The following GYPC variants were observed in gnomAD, a reference collection of about 807,000 sequenced individuals.
GYPC encodes glycophorin C (Gerbich blood group).
A neutral mutation model predicts 12.6 loss-of-function variants in GYPC; 14 were observed. That is an observed-to-expected ratio of 1.11 (90% CI 0.74 to 1.74). The LOEUF is 1.74. Among genes scored for constraint, GYPC ranks in the 40% most tolerant of loss-of-function variants. GYPC has a pLI of 0.00. For missense variants in GYPC, 225 were observed against 172.1 expected (o/e 1.31, Z -1.72); for synonymous variants, 78 against 62.1 (o/e 1.26, Z -1.20).
chr2:126,694,037 A>G (rs1201762732), intron 3 of GYPC, 90 bp downstream of exon 3: 3 of 920,594 alleles, frequency 3.3e-6, no homozygotes, highest in Non-Finnish European at 5.4e-6. Flanking sequence ...GGACTTGGGC[A>G]GTGGTGGCTG....
chr2:126,679,138 T>C (rs1683091213), intron 1 of GYPC, among the ~76,000 whole-genome samples: 1 of 152,230 alleles, frequency 6.6e-6, no homozygotes, highest in Non-Finnish European at 1.5e-5. Context: ...TGGTAAAGAT[T>C]AGCACGCAGC....
intron 1 of GYPC, among the ~76,000 whole-genome samples, chr2:126,670,614 T>C (rs2104780137): frequency 6.6e-6 from 1 of 152,274 alleles, no homozygotes; most frequent in South Asian, 2.1e-4. Flanking sequence ...CAGGCTGGGC[T>C]ACAGGCACAG....
intron 1 of GYPC, among the ~76,000 whole-genome samples, chr2:126,663,493 A>T (rs1682595769): frequency 6.6e-6 from 1 of 152,124 alleles, no homozygotes; most frequent in South Asian, 2.1e-4. Flanking sequence ...GAGAGAGGTC[A>T]TCTTTGCCCC....
chr2:126,686,103 C>T (rs558116947), intron 1 of GYPC: 47 of 984,958 alleles, frequency 4.8e-5, no homozygotes, highest in Middle Eastern at 5.2e-4. Context: ...GACCAGCCCA[C>T]GCAGGAAAAA....
chr2:126,677,503 G>GT (rs1683033132), intron 1 of GYPC, among the ~76,000 whole-genome samples: 3 of 112,280 alleles, frequency 2.7e-5, no homozygotes, highest in African/African-American at 4.6e-5. Context: ...GTGTGTGTAT[G>GT]AGAGTGTGTG....
At chr2:126,680,951 C>T (rs28387171) in intron 1 of GYPC, among the ~76,000 whole-genome samples, 2,999 of 152,216 alleles carry the variant, frequency 0.02, 95 homozygotes, top group African/African-American at 0.068. Flanking sequence ...TGGAGCAAGG[C>T]GGGCAGGTCA....
At chr2:126,663,513 G>A (rs556327687) in intron 1 of GYPC, among the ~76,000 whole-genome samples, 1 of 152,274 alleles carries the variant, frequency 6.6e-6, no homozygotes, top group African/African-American at 2.4e-5. Flanking sequence ...CCACCTCATC[G>A]GGGCACCAGC....
intron 2 of GYPC, 131 bp from the exon 3 acceptor site, chr2:126,693,733 A>C: frequency 1.3e-6 from 1 of 757,272 alleles, no homozygotes; most frequent in Non-Finnish European, 2.5e-6. Flanking sequence ...GGTGCGCCGC[A>C]CTGCTCCTTT....
At chr2:126,660,886 C>G (rs531470565) in intron 1 of GYPC, among the ~76,000 whole-genome samples, 1 of 152,272 alleles carries the variant, frequency 6.6e-6, no homozygotes, top group South Asian at 2.1e-4. Flanking sequence ...CACCTTCTCA[C>G]CCAGCTGGGG....
intron 1 of GYPC, among the ~76,000 whole-genome samples, chr2:126,673,002 A>T (rs1682892893): frequency 6.6e-6 from 1 of 151,966 alleles, no homozygotes; most frequent in Non-Finnish European, 1.5e-5. Flanking sequence ...GACTAATGTA[A>T]CTCACCCAGA....
At chr2:126,680,206 A>G (rs915453206) in intron 1 of GYPC, 3 of 152,226 alleles carry the variant, frequency 2.0e-5, no homozygotes, top group African/African-American at 7.2e-5. Flanking sequence ...AGAAAGATTC[A>G]TTATATCTTG....
intron 3 of GYPC, 26 bp from the exon 4 acceptor site, chr2:126,695,920 A>C (rs1683628843): frequency 1.9e-6 from 3 of 1,604,484 alleles, no homozygotes; most frequent in Non-Finnish European, 2.6e-6. Context: ...CCTCAGACTG[A>C]CCCTTGCACC....
chr2:126,693,286 C>T (rs753173994), intron 2 of GYPC, among the ~76,000 whole-genome samples: 8 of 152,212 alleles, frequency 5.3e-5, no homozygotes, highest in Admixed American at 4.6e-4. Flanking sequence ...TCTATATCAC[C>T]TTGTGGTCTC....
At chr2:126,689,372 G>T (rs1428382379) in intron 1 of GYPC, among the ~76,000 whole-genome samples, 1 of 152,182 alleles carries the variant, frequency 6.6e-6, no homozygotes, top group African/African-American at 2.4e-5. Context: ...TCATAGGATG[G>T]ATGTGAAGAC....
chr2:126,682,764 G>A (rs577777816), intron 1 of GYPC, among the ~76,000 whole-genome samples: 13 of 152,278 alleles, frequency 8.5e-5, no homozygotes, highest in East Asian at 3.9e-4. Context: ...CAGTCTGGGC[G>A]TTGTCTTAAG....
chr2:126,695,845 C>T, intron 3 of GYPC, 101 bp from the exon 4 acceptor site: 3 of 867,872 alleles, frequency 3.5e-6, no homozygotes, highest in Admixed American at 3.4e-5. Flanking sequence ...TTGGTTGTGG[C>T]ATTGTATCTG....
chr2:126,678,554 C>T (rs17014134), intron 1 of GYPC: 24,330 of 152,224 alleles, frequency 0.16, 2,533 homozygotes, highest in East Asian at 0.42. Context: ...TGAGTTCTCA[C>T]GGAGCCCTCT....
At chr2:126,663,950 G>GTCTCTCTCTCTCTC (rs61649506) in intron 1 of GYPC, among the ~76,000 whole-genome samples, 26 of 129,932 alleles carry the variant, frequency 2.0e-4, no homozygotes, top group African/African-American at 5.3e-4. Flanking sequence ...TAAGGTTCTG[G>GTCTCTCTCTCTCTC]TCTCTCTCTC....
At chr2:126,679,892 G>A (rs1471965118) in intron 1 of GYPC, 1 of 152,086 alleles carries the variant, frequency 6.6e-6, no homozygotes, top group Non-Finnish European at 1.5e-5. Flanking sequence ...AATTAATTCA[G>A]AGACAGAAAA....
Sources: gnomAD v4.1 joint callset for allele counts (sites outside exome capture counted in the v4.1 genomes callset) on GRCh38, gnomAD v4.1.1 for gene constraint, MANE v1.5 for transcripts, NCBI Gene and HGNC (gene_info 2026-07-23, HGNC 2026-07-21) for gene names.